The following PIWIL1 variants were observed in gnomAD, a reference collection of about 807,000 sequenced individuals.
PIWIL1 encodes the protein piwi like RNA-mediated gene silencing 1.
In PIWIL1, 73 loss-of-function variants were observed where a neutral mutation model predicts 114.4. The ratio of observed to expected loss-of-function variants is 0.64; its 90% CI spans 0.53 to 0.78. The LOEUF is 0.78. PIWIL1 is among the 30% of genes least tolerant of loss of function. The pLI is 0.00. For synonymous variants in PIWIL1, 375 were observed against 369.0 expected (o/e 1.02, Z -0.19); for missense variants, 723 against 1,063.1 (o/e 0.68, Z 4.45).
intron 18 of PIWIL1, among the ~76,000 whole-genome samples, chr12:130,365,481 T>C (rs2073629929): frequency 6.6e-6 from 1 of 152,216 alleles, no homozygotes; most frequent in East Asian, 1.9e-4. Context: ...TATTCTTCAC[T>C]TTTAGAAAAT....
rs370240187 is a variant in PIWIL1, at chr12:130,355,717, G to C, written c.1404+50G>C. The C allele has an allele frequency of 5.6e-6, 7 of 1,255,600 alleles. No individual in the cohort carries two copies. In the Admixed American group the frequency reaches 1.2e-4, roughly 21 times the overall value. The allele number at this position is 1,255,600 out of a possible 1,614,324, so 77.8% of individuals were successfully genotyped here. Reference sequence around the variant, plus strand: ...GTTGTTGTTTTTGAGACGGAGTCTCGCTCTGTCCCCCAGGCAGGAGTACAG... The same window carrying C: ...GTTGTTGTTTTTGAGACGGAGTCTCCCTCTGTCCCCCAGGCAGGAGTACAG... On this transcript the variant is annotated intron_variant, in intron 12 of 20. Coordinates refer to ENST00000245255, the MANE Select transcript of PIWIL1 (RefSeq NM_004764.5).
the PIWIL1 span, chr12:130,412,629 C>T: frequency 6.2e-7 from 1 of 1,613,676 alleles, no homozygotes; most frequent in Non-Finnish European, 8.5e-7. Context: ...CTATTTTCTC[C>T]ACAGGTGTAT....
the PIWIL1 span, chr12:130,414,162 T>G: frequency 1.2e-6 from 2 of 1,614,184 alleles, no homozygotes; most frequent in African/African-American, 2.7e-5. Context: ...AAGCTCCTCC[T>G]CTGCAGCATC....
At position 130,354,140 on chromosome 12, in the gene PIWIL1, C is replaced by T. The variant is rs73150854; in HGVS notation, c.1045-397C>T. Reference sequence around the variant, plus strand: ...CCTCTGTATTCTCACGGTGAGACTGCTTTTATTAGTAAGTTCTCTCAGTAA... The same window carrying T: ...CCTCTGTATTCTCACGGTGAGACTGTTTTTATTAGTAAGTTCTCTCAGTAA... On this transcript the variant is annotated intron_variant, in intron 9 of 20. Coordinates refer to ENST00000245255, the MANE Select transcript of PIWIL1 (RefSeq NM_004764.5). 7.3e-3 allele frequency among the ~76,000 whole-genome samples: 1,111 copies of T among 152,214 alleles called. 11 individuals are homozygous for T. Among genetic ancestry groups the T allele is most frequent in the Middle Eastern group, 0.041 (12 of 294 alleles).
intron 1 of PIWIL1, among the ~76,000 whole-genome samples, chr12:130,340,362 A>G (rs78531745): frequency 0.024 from 3,661 of 151,736 alleles, 67 homozygotes; most frequent in Middle Eastern, 0.037. Context: ...CTGGAAGACA[A>G]TTTTTCCACG....
chr12:130,388,290 A>G, the PIWIL1 span, among the ~76,000 whole-genome samples: 3 of 151,726 alleles, frequency 2.0e-5, no homozygotes, highest in African/African-American at 7.3e-5. Context: ...CTTTTTTTCC[A>G]CTGATCTTCC....
chr12:130,377,518 C>T (rs1344637518), downstream of PIWIL1, among the ~76,000 whole-genome samples: 1 of 152,210 alleles, frequency 6.6e-6, no homozygotes, highest in Non-Finnish European at 1.5e-5. Context: ...TGGGGCCGTC[C>T]AGACAGGCGA....
chr12:130,397,119 C>T, the PIWIL1 span: 1 of 303,750 alleles, frequency 3.3e-6, no homozygotes, highest in East Asian at 5.2e-5. Flanking sequence ...AATAAGACGT[C>T]CCCTCCCACC....
chr12:130,412,858 G>A, the PIWIL1 span: 3,359 of 1,381,034 alleles, frequency 2.4e-3, 8 homozygotes, highest in Non-Finnish European at 3.1e-3. Flanking sequence ...TCCCACTGAC[G>A]GTAAGTGAGT....
the PIWIL1 span, among the ~76,000 whole-genome samples, chr12:130,421,279 T>C: frequency 6.6e-6 from 1 of 152,234 alleles, no homozygotes; most frequent in East Asian, 1.9e-4. Context: ...CTGTAATAAG[T>C]GCCATCAATG....
At chr12:130,346,336 T>G (rs563603514) in intron 4 of PIWIL1, 34 bp from the exon 5 acceptor site, 11 of 1,493,344 alleles carry the variant, frequency 7.4e-6, no homozygotes, top group Non-Finnish European at 1.0e-5. Flanking sequence ...ATAAACTTGA[T>G]ATTTTGTTAA....
intron 19 of PIWIL1, among the ~76,000 whole-genome samples, chr12:130,368,284 G>A (rs769518831): frequency 6.6e-6 from 1 of 152,116 alleles, no homozygotes; most frequent in Admixed American, 6.5e-5. Flanking sequence ...TGAAGAAGGC[G>A]ACTTTAAGAG....
At chr12:130,412,288 G>A in the PIWIL1 span, among the ~76,000 whole-genome samples, 1 of 152,274 alleles carries the variant, frequency 6.6e-6, no homozygotes, top group African/African-American at 2.4e-5. Context: ...ACAGGCTGAT[G>A]TTCAAACCGT....
the PIWIL1 span, among the ~76,000 whole-genome samples, chr12:130,403,879 AAGCAG>A: frequency 4.6e-5 from 7 of 152,358 alleles, no homozygotes; most frequent in Admixed American, 2.0e-4. Flanking sequence ...GATGAAAAAT[AAGCAG>A]AGCAAACTAA....
downstream of PIWIL1, among the ~76,000 whole-genome samples, chr12:130,374,704 C>T (rs968400191): frequency 4.6e-5 from 7 of 152,206 alleles, no homozygotes; most frequent in East Asian, 1.9e-4. Context: ...GGGAACCCCA[C>T]GACCAGTGGC....
At chr12:130,374,221 C>T (rs74764441), downstream of PIWIL1, among the ~76,000 whole-genome samples, 1,758 of 152,296 alleles carry the variant, frequency 0.012, 28 homozygotes, top group African/African-American at 0.041. Flanking sequence ...CCTGAACCTG[C>T]TGCTTACACA....
At chr12:130,391,165 C>G in the PIWIL1 span, among the ~76,000 whole-genome samples, 4 of 152,226 alleles carry the variant, frequency 2.6e-5, no homozygotes. Context: ...TGAGGGACAA[C>G]CAGCAGCACA....
chr12:130,352,535 T>C (rs570001329), intron 9 of PIWIL1, among the ~76,000 whole-genome samples: 1 of 152,008 alleles, frequency 6.6e-6, no homozygotes, highest in South Asian at 2.1e-4. Flanking sequence ...AAAAATTAGC[T>C]GGGTGTGGTG....
the PIWIL1 span, among the ~76,000 whole-genome samples, chr12:130,417,467 C>T: frequency 6.6e-6 from 1 of 152,184 alleles, no homozygotes; most frequent in African/African-American, 2.4e-5. Flanking sequence ...AGAAAATTAA[C>T]ACAAGAACAG....
Sources: gnomAD v4.1 joint callset for allele counts (sites outside exome capture counted in the v4.1 genomes callset) on GRCh38, gnomAD v4.1.1 for gene constraint, MANE v1.5 for transcripts, NCBI Gene and HGNC (gene_info 2026-07-23, HGNC 2026-07-21) for gene names.